NDUFS4: variants seen among roughly 807,000 people sequenced by gnomAD.
NDUFS4 encodes NADH dehydrogenase [ubiquinone] iron-sulfur protein 4, mitochondrial.
A neutral mutation model predicts 24.3 loss-of-function variants in NDUFS4; 28 were observed. The observed-to-expected ratio is 1.15, with a 90% confidence interval of 0.85 to 1.58. The LOEUF (loss-of-function observed/expected upper bound fraction) is 1.58. Among genes scored for constraint, NDUFS4 ranks in the 40% most tolerant of loss-of-function variants. NDUFS4 has a pLI of 0.00. For missense variants in NDUFS4, 223 were observed against 207.9 expected, an observed-to-expected ratio of 1.07 and a Z score of -0.45; for synonymous variants, 93 against 69.7, an observed-to-expected ratio of 1.34 and a Z score of -1.67.
intron 1 of NDUFS4, among the ~76,000 whole-genome samples, chr5:53,563,008 T>G (rs1748900432): frequency 6.6e-6 from 1 of 151,968 alleles, no homozygotes; most frequent in Non-Finnish European, 1.5e-5. Context: ...GGCGGGCAGA[T>G]CACAAGGTCA....
chr5:53,585,459 T>G (rs1192968545), intron 1 of NDUFS4, among the ~76,000 whole-genome samples: 4 of 152,142 alleles, frequency 2.6e-5, no homozygotes, highest in African/African-American at 9.7e-5. Flanking sequence ...CAATGAAAAT[T>G]TTTGTGCCGG....
intron 1 of NDUFS4, among the ~76,000 whole-genome samples, chr5:53,574,870 C>T (rs1749332985): frequency 6.6e-6 from 1 of 152,056 alleles, no homozygotes; most frequent in African/African-American, 2.4e-5. Context: ...TTAAGTTGCA[C>T]TGTAGTTGCA....
chr5:53,644,431 T>A (rs1199557132), intron 2 of NDUFS4, among the ~76,000 whole-genome samples: 3 of 152,070 alleles, frequency 2.0e-5, no homozygotes, highest in African/African-American at 7.2e-5. Flanking sequence ...AATCTAAAGA[T>A]ATATAATATT....
chr5:53,651,087 T>G (rs1003125487), intron 3 of NDUFS4, among the ~76,000 whole-genome samples: 36 of 152,206 alleles, frequency 2.4e-4, no homozygotes, highest in Non-Finnish European at 7.3e-5. Flanking sequence ...TGCAATTGGT[T>G]TATCTGAGAC....
intron 1 of NDUFS4, among the ~76,000 whole-genome samples, chr5:53,575,701 C>T (rs1749363267): frequency 6.6e-6 from 1 of 151,804 alleles, no homozygotes; most frequent in Admixed American, 6.6e-5. Context: ...ACCACCATGT[C>T]TGGCTAATTT....
chr5:53,675,330 T>C (rs1199819527), intron 4 of NDUFS4, among the ~76,000 whole-genome samples: 1 of 151,704 alleles, frequency 6.6e-6, no homozygotes, highest in Non-Finnish European at 1.5e-5. Flanking sequence ...GCCCAGCTAA[T>C]TTTTTGTATT....
chr5:53,683,003 TTGA>T (rs1290567021), intron 4 of NDUFS4, 112 bp from the exon 5 acceptor site: 5 of 789,344 alleles, frequency 6.3e-6, no homozygotes, highest in African/African-American at 1.7e-5. Flanking sequence ...ACATATACTC[TTGA>T]TGATAAATGA....
intron 4 of NDUFS4, among the ~76,000 whole-genome samples, chr5:53,672,494 C>T (rs1740308748): frequency 6.6e-6 from 1 of 151,932 alleles, no homozygotes; most frequent in African/African-American, 2.4e-5. Context: ...TTGTGTACAA[C>T]CTAAAAAGAG....
At position 53,601,851 on chromosome 5, in the gene NDUFS4, C is replaced by A. The variant is rs138531843; in HGVS notation, c.99-1601C>A. 3.3e-5 allele frequency among the ~76,000 whole-genome samples: 5 copies of A among 152,278 alleles called. No homozygotes were observed. In the East Asian group the frequency reaches 9.6e-4, roughly 29 times the overall value. Reference sequence around the variant, plus strand: ...ATCTTGGTGATAAGATTGACCGTCTCAGTATTGCAGTGCTTGTGTTCAAGT... The same window carrying A: ...ATCTTGGTGATAAGATTGACCGTCTAAGTATTGCAGTGCTTGTGTTCAAGT... On this transcript the variant is annotated intron_variant, in intron 1 of 4. Coordinates refer to ENST00000296684, the MANE Select transcript of NDUFS4 (RefSeq NM_002495.4).
intron 2 of NDUFS4, among the ~76,000 whole-genome samples, chr5:53,641,262 C>CA (rs1751699474): frequency 1.3e-5 from 2 of 152,124 alleles, no homozygotes; most frequent in Non-Finnish European, 2.9e-5. Context: ...AGTTTTGACT[C>CA]AGCCCTTTGC....
intron 1 of NDUFS4, among the ~76,000 whole-genome samples, chr5:53,593,949 T>G (rs1352780851): frequency 6.6e-6 from 1 of 152,104 alleles, no homozygotes; most frequent in African/African-American, 2.4e-5. Context: ...AAGGTATGTT[T>G]TATGTCCCAG....
chr5:53,562,097 G>A (rs1194238640), intron 1 of NDUFS4, among the ~76,000 whole-genome samples: 1 of 151,842 alleles, frequency 6.6e-6, no homozygotes. Context: ...TCCGCCTCCC[G>A]GGTTCAAGCA....
chr5:53,638,449 AG>A (rs1751617321), intron 2 of NDUFS4, among the ~76,000 whole-genome samples: 4 of 152,158 alleles, frequency 2.6e-5, no homozygotes, highest in African/African-American at 9.6e-5. Flanking sequence ...AAGATTTTAA[AG>A]GCAAACACAG....
chr5:53,677,408 A>G (rs1290889223), intron 4 of NDUFS4, among the ~76,000 whole-genome samples: 4 of 152,080 alleles, frequency 2.6e-5, no homozygotes, highest in Non-Finnish European at 5.9e-5. Flanking sequence ...AATTTCATGG[A>G]AAGACTTGCT....
At chr5:53,650,151 CCGTAGTAAT>C (rs1261191790) in intron 3 of NDUFS4, among the ~76,000 whole-genome samples, 1 of 152,110 alleles carries the variant, frequency 6.6e-6, no homozygotes, top group Non-Finnish European at 1.5e-5. Context: ...CCCAGACTCA[CCGTAGTAAT>C]ACATTCCCAG....
chr5:53,574,348 T>G (rs180807546), intron 1 of NDUFS4, among the ~76,000 whole-genome samples: 55 of 152,330 alleles, frequency 3.6e-4, no homozygotes, highest in African/African-American at 1.2e-3. Flanking sequence ...GTTTTTCTTC[T>G]TTAGACTGTT....
chr5:53,582,029 G>A (rs1749581947), intron 1 of NDUFS4, among the ~76,000 whole-genome samples: 1 of 151,984 alleles, frequency 6.6e-6, no homozygotes, highest in Non-Finnish European at 1.5e-5. Context: ...GGCTAACACG[G>A]TGAAACCCTG....
chr5:53,633,865 A>G (rs1037394394), intron 2 of NDUFS4, among the ~76,000 whole-genome samples: 12 of 152,188 alleles, frequency 7.9e-5, no homozygotes, highest in African/African-American at 2.7e-4. Flanking sequence ...AAACATTTTT[A>G]TATTCTCACT....
rs139736525 is a variant in NDUFS4 at position 53,670,994 on chromosome 5, G to A, written c.425-12124G>A. On this transcript the variant is annotated intron_variant, in intron 4 of 4. Transcript: ENST00000296684. ...TATCTATATAGTATCTCTATATAGA[G>A]AGATAATATATATACTCCATATAGT... is the stretch of plus-strand genomic sequence containing the variant. Among the ~76,000 whole-genome samples, 966 of 151,464 alleles carry A rather than the reference G, an allele frequency of 6.4e-3. 12 individuals carry two copies. Among genetic ancestry groups the A allele is most frequent in the African/African-American group, 0.022 (894 of 41,374 alleles).
Sources: gnomAD v4.1 joint callset for allele counts (sites outside exome capture counted in the v4.1 genomes callset) on GRCh38, gnomAD v4.1.1 for gene constraint, MANE v1.5 for transcripts, NCBI Gene and HGNC (gene_info 2026-07-23, HGNC 2026-07-21) for gene names.